Variants in TRPC5 observed in about 807,000 individuals in gnomAD.
TRPC5 encodes transient receptor potential cation channel subfamily C member 5, also known as short transient receptor potential channel 5.
In TRPC5, 9 loss-of-function variants were observed where a neutral mutation model predicts 56.5. That is an observed-to-expected ratio of 0.16 (90% CI 0.10 to 0.28). The LOEUF is 0.28. Among genes scored for constraint, TRPC5 ranks in the 10% least tolerant of loss-of-function variants. The pLI, the probability that TRPC5 is intolerant of heterozygous loss-of-function variation, is 1.00. For synonymous variants in TRPC5, 282 were observed against 278.5 expected (o/e 1.01, Z -0.13); for missense variants, 469 against 748.9 (o/e 0.63, Z 4.36).
chrX:111,998,275 T>A (rs1174423990), intron 1 of TRPC5, among the ~76,000 whole-genome samples: 2 of 112,071 alleles, frequency 1.8e-5, no homozygotes, highest in African/African-American at 3.2e-5. Context: ...AATTGATACA[T>A]AATAGTTGGA....
intron 1 of TRPC5, among the ~76,000 whole-genome samples, chrX:111,969,486 A>T (rs1214625651): frequency 2.7e-5 from 3 of 111,865 alleles, no homozygotes; most frequent in Non-Finnish European, 5.6e-5. Flanking sequence ...TTTTCCAATT[A>T]TAAAAATACA....
chrX:111,832,487 A>G (rs1197254002), intron 7 of TRPC5, among the ~76,000 whole-genome samples: 1 of 112,087 alleles, frequency 8.9e-6, no homozygotes, highest in East Asian at 2.8e-4. Flanking sequence ...AGGACCTTGT[A>G]AAAATTACAT....
chrX:112,045,209 C>T (rs1221926769), intron 1 of TRPC5, among the ~76,000 whole-genome samples: 1 of 111,512 alleles, frequency 9.0e-6, no homozygotes, highest in Admixed American at 9.5e-5. Context: ...ATCTGATGTG[C>T]CATAGATGCA....
chrX:111,902,940 G>C (rs1307834269), intron 3 of TRPC5: 1 of 111,518 alleles, frequency 9.0e-6, no homozygotes, highest in Non-Finnish European at 1.9e-5. Flanking sequence ...GTAATAGAAG[G>C]GCTAAGCAAA....
intron 7 of TRPC5, among the ~76,000 whole-genome samples, chrX:111,809,080 G>A (rs1418527348): frequency 9.1e-6 from 1 of 109,776 alleles, no homozygotes; most frequent in African/African-American, 3.3e-5. Flanking sequence ...AGAAGGAAGG[G>A]GTCTTACCTG....
At chrX:112,068,495 C>T (rs1930641182) in intron 1 of TRPC5, among the ~76,000 whole-genome samples, 1 of 111,836 alleles carries the variant, frequency 8.9e-6, no homozygotes, top group African/African-American at 3.3e-5. Flanking sequence ...ATGAAGATGG[C>T]CAGAACTCTC....
At chrX:111,839,425 A>C (rs1388743622) in intron 6 of TRPC5, among the ~76,000 whole-genome samples, 1 of 112,271 alleles carries the variant, frequency 8.9e-6, no homozygotes, top group African/African-American at 3.2e-5. Flanking sequence ...TGACATTGGG[A>C]AAGTTACATA....
intron 7 of TRPC5, among the ~76,000 whole-genome samples, chrX:111,808,302 G>C (rs1921591104): frequency 9.0e-6 from 1 of 110,541 alleles, no homozygotes; most frequent in Admixed American, 9.6e-5. Flanking sequence ...AATCTACCTG[G>C]TGCTCTATTT....
intron 1 of TRPC5, among the ~76,000 whole-genome samples, chrX:111,961,313 A>G (rs959292680): frequency 3.6e-5 from 4 of 112,152 alleles, no homozygotes; most frequent in African/African-American, 9.7e-5. Context: ...TTCTTCCCCT[A>G]TGCATTTTTA....
intron 1 of TRPC5, among the ~76,000 whole-genome samples, chrX:112,069,211 C>G (rs1162568985): frequency 8.9e-6 from 1 of 111,850 alleles, no homozygotes; most frequent in Non-Finnish European, 1.9e-5. Flanking sequence ...TTCAGAGTGG[C>G]TTAGTGTTTT....
intron 1 of TRPC5, among the ~76,000 whole-genome samples, chrX:111,958,693 A>C (rs145170860): frequency 8.9e-6 from 1 of 112,394 alleles, no homozygotes; most frequent in Non-Finnish European, 1.9e-5. Context: ...CCTTTTGTGA[A>C]TCTACAAATC....
At position 111,897,650 on chromosome X, in the gene TRPC5, T is replaced by A. The variant is rs148590850; in HGVS notation, c.900+14641A>T. ...ATCATACAGCATATAATCTTTTGTG[T>A]CTGGCTTCTTTCATTAAGTATAATG... On this transcript the variant is annotated intron_variant, in intron 3 of 10. Transcript: ENST00000262839. 2.8e-3 allele frequency among the ~76,000 whole-genome samples: 319 copies of A among 111,985 alleles called. 1 individual carries two copies. Among genetic ancestry groups the A allele is most frequent in the African/African-American group, 0.01 (310 of 30,912 alleles).
intron 3 of TRPC5, among the ~76,000 whole-genome samples, chrX:111,881,043 TGCC>T (rs1420782051): frequency 3.6e-5 from 4 of 112,280 alleles, no homozygotes; most frequent in African/African-American, 9.7e-5. Flanking sequence ...TCTTCTAAAA[TGCC>T]AATTGCACAT....
chrX:111,948,778 C>T (rs774439870), intron 2 of TRPC5, among the ~76,000 whole-genome samples: 8 of 110,417 alleles, frequency 7.2e-5, no homozygotes, highest in African/African-American at 2.6e-4. Flanking sequence ...AAAAATAAGC[C>T]TCAGAACTGA....
intron 1 of TRPC5, among the ~76,000 whole-genome samples, chrX:112,063,981 T>C (rs115389186): frequency 9.0e-6 from 1 of 111,341 alleles, no homozygotes; most frequent in South Asian, 3.8e-4. Flanking sequence ...TCTAAAGCCA[T>C]TTATGATCAT....
intron 1 of TRPC5, among the ~76,000 whole-genome samples, chrX:112,006,399 G>C (rs1928845764): frequency 8.9e-6 from 1 of 112,002 alleles, no homozygotes; most frequent in Non-Finnish European, 1.9e-5. Context: ...ACTATGCTTA[G>C]AGACTTATTT....
intron 3 of TRPC5, among the ~76,000 whole-genome samples, chrX:111,905,730 C>T (rs778099109): frequency 1.8e-5 from 2 of 109,148 alleles, no homozygotes; most frequent in East Asian, 2.9e-4. Flanking sequence ...CTGGCTAACA[C>T]GATGAAACCC....
intron 7 of TRPC5, among the ~76,000 whole-genome samples, chrX:111,784,170 T>G (rs1945941764): frequency 8.9e-6 from 1 of 111,834 alleles, no homozygotes; most frequent in Non-Finnish European, 1.9e-5. Context: ...AGACCTATAC[T>G]TAACAGATAA....
chrX:111,976,717 T>A (rs896162955), intron 1 of TRPC5, among the ~76,000 whole-genome samples: 1 of 111,341 alleles, frequency 9.0e-6, no homozygotes, highest in Non-Finnish European at 1.9e-5. Context: ...GATAATATGA[T>A]CATGTATGTA....
Sources: allele counts gnomAD v4.1 joint callset (sites outside exome capture counted in the v4.1 genomes callset), GRCh38; gene constraint gnomAD v4.1.1; transcripts MANE v1.5; gene names NCBI Gene and HGNC (gene_info 2026-07-23, HGNC 2026-07-21).